LRP1B: variants seen among roughly 807,000 people sequenced by gnomAD.
LRP1B encodes LDL receptor related protein 1B, also known as low-density lipoprotein receptor-related protein 1B.
A neutral mutation model predicts 556.6 loss-of-function variants in LRP1B; 217 were observed. The ratio of observed to expected loss-of-function variants is 0.39; its 90% CI spans 0.35 to 0.44. The LOEUF (loss-of-function observed/expected upper bound fraction) is 0.44. LRP1B is among the 20% of genes least tolerant of loss of function. The pLI is 1.00. For missense variants in LRP1B, 5,053 were observed against 5,620.8 expected, an observed-to-expected ratio of 0.90 and a Z score of 3.23; for synonymous variants, 2,047 against 1,865.8, an observed-to-expected ratio of 1.10 and a Z score of -2.50.
chr2:141,392,338 G>A (rs1326530324), intron 3 of LRP1B, among the ~76,000 whole-genome samples: 1 of 151,556 alleles, frequency 6.6e-6, no homozygotes, highest in South Asian at 2.1e-4. Context: ...TATTTTGAAT[G>A]AATTTTAGGC....
chr2:140,831,192 CA>C (rs1293584469), intron 31 of LRP1B, among the ~76,000 whole-genome samples: 1 of 151,842 alleles, frequency 6.6e-6, no homozygotes, highest in Non-Finnish European at 1.5e-5. Flanking sequence ...TACAGAGCCA[CA>C]AAAGACCCCA....
intron 3 of LRP1B, among the ~76,000 whole-genome samples, chr2:141,366,141 T>C (rs1464417183): frequency 6.6e-6 from 1 of 152,224 alleles, no homozygotes; most frequent in Admixed American, 6.5e-5. Context: ...TCTACAGATA[T>C]ATCTCAAAAT....
chr2:141,082,706 G>A (rs150549357), intron 7 of LRP1B, among the ~76,000 whole-genome samples: 1 of 152,178 alleles, frequency 6.6e-6, no homozygotes, highest in African/African-American at 2.4e-5. Context: ...GTAGAATATA[G>A]GGTATTACTG....
chr2:141,772,411 A>G (rs1694928742), intron 2 of LRP1B, among the ~76,000 whole-genome samples: 1 of 152,124 alleles, frequency 6.6e-6, no homozygotes, highest in Non-Finnish European at 1.5e-5. Context: ...AGAATAAAAT[A>G]TTTGATAAAA....
intron 6 of LRP1B, among the ~76,000 whole-genome samples, chr2:141,208,574 G>A (rs1338046058): frequency 6.6e-6 from 1 of 151,944 alleles, no homozygotes; most frequent in Non-Finnish European, 1.5e-5. Context: ...ATATTAAAAA[G>A]GGATGGGAGT....
chr2:140,303,024 T>G, intron 83 of LRP1B, among the ~76,000 whole-genome samples: 1 of 110,602 alleles, frequency 9.0e-6, no homozygotes, highest in East Asian at 3.0e-4. Flanking sequence ...TATATATATA[T>G]ATATATATAT....
intron 86 of LRP1B, among the ~76,000 whole-genome samples, chr2:140,251,907 C>CT (rs1016369876): frequency 4.0e-5 from 6 of 151,006 alleles, no homozygotes; most frequent in African/African-American, 1.5e-4. Flanking sequence ...TTGCAAAATA[C>CT]TTTTTTTCTG....
At chr2:141,885,511 C>T (rs1193235747) in intron 1 of LRP1B, among the ~76,000 whole-genome samples, 7 of 152,052 alleles carry the variant, frequency 4.6e-5, no homozygotes, top group African/African-American at 1.7e-4. Context: ...ACAAAAAACG[C>T]TGTGGAATGA....
intron 53 of LRP1B, among the ~76,000 whole-genome samples, chr2:140,503,609 CA>C (rs1184869998): frequency 6.6e-6 from 1 of 151,960 alleles, no homozygotes; most frequent in Non-Finnish European, 1.5e-5. Flanking sequence ...GCAATAAGCA[CA>C]AAAACTATTA....
chr2:140,949,668 C>T (rs1053058985), intron 20 of LRP1B, among the ~76,000 whole-genome samples: 2 of 151,626 alleles, frequency 1.3e-5, no homozygotes, highest in Non-Finnish European at 2.9e-5. Flanking sequence ...ATGCCGGGCG[C>T]GGTGGCTCAC....
At chr2:141,416,303 T>C (rs1691097457) in intron 3 of LRP1B, among the ~76,000 whole-genome samples, 1 of 152,114 alleles carries the variant, frequency 6.6e-6, no homozygotes, top group Non-Finnish European at 1.5e-5. Flanking sequence ...CTTGGCTAAT[T>C]ACTTAATAAT....
intron 1 of LRP1B, among the ~76,000 whole-genome samples, chr2:141,900,143 A>G (rs1468339184): frequency 1.3e-5 from 2 of 152,130 alleles, no homozygotes; most frequent in Non-Finnish European, 2.9e-5. Flanking sequence ...AGAATTATAT[A>G]CATTGTTAAA....
intron 6 of LRP1B, among the ~76,000 whole-genome samples, chr2:141,209,428 C>T (rs182027680): frequency 2.0e-5 from 3 of 152,234 alleles, no homozygotes; most frequent in Admixed American, 2.0e-4. Flanking sequence ...CCAGCTATGC[C>T]GAGCTGTGAG....
At chr2:141,444,767 G>A (rs1218922054) in intron 3 of LRP1B, among the ~76,000 whole-genome samples, 1 of 152,166 alleles carries the variant, frequency 6.6e-6, no homozygotes, top group Non-Finnish European at 1.5e-5. Flanking sequence ...TTGCATCCCA[G>A]AAATGAAGCT....
intron 2 of LRP1B, among the ~76,000 whole-genome samples, chr2:141,644,013 T>C (rs1443812409): frequency 3.3e-5 from 1 of 30,572 alleles, no homozygotes; most frequent in South Asian, 7.7e-4. Flanking sequence ...GTGGAGAGTG[T>C]GTGTGTGTGT....
chr2:141,830,105 T>A (rs770953142), intron 1 of LRP1B, among the ~76,000 whole-genome samples: 1 of 151,980 alleles, frequency 6.6e-6, no homozygotes, highest in African/African-American at 2.4e-5. Context: ...TACTTATATC[T>A]CATTCATTAA....
At chr2:140,915,961 G>C (rs905659776) in intron 21 of LRP1B, among the ~76,000 whole-genome samples, 1 of 151,938 alleles carries the variant, frequency 6.6e-6, no homozygotes, top group Admixed American at 6.6e-5. Flanking sequence ...CCAGGAGACA[G>C]AGTTTGCAGT....
intron 1 of LRP1B, among the ~76,000 whole-genome samples, chr2:141,811,178 T>C (rs1696341687): frequency 6.6e-6 from 1 of 152,122 alleles, no homozygotes; most frequent in African/African-American, 2.4e-5. Context: ...CTTTACAAAC[T>C]AATTATTCTT....
Position 141,808,363 on chromosome 2 carries a change from A to G in LRP1B, c.205+1916T>C, listed in dbSNP as rs560221536. The stretch of plus-strand genomic sequence containing the variant: ...ACCTGACTCTTACTCTGATTATGCT[A>G]TGGAAGTCTTTCCTTGTAGCTAAAG... On this transcript the variant is annotated intron_variant, in intron 2 of 90. Coordinates refer to ENST00000389484, the MANE Select transcript of LRP1B (RefSeq NM_018557.3). 1.9e-3 allele frequency among the ~76,000 whole-genome samples: 288 copies of G among 152,200 alleles called. 1 individual carries two copies. Among genetic ancestry groups the G allele is most frequent in the African/African-American group, 6.9e-3 (285 of 41,556 alleles).
Sources: gnomAD v4.1 joint callset for allele counts (sites outside exome capture counted in the v4.1 genomes callset) on GRCh38, gnomAD v4.1.1 for gene constraint, MANE v1.5 for transcripts, NCBI Gene and HGNC (gene_info 2026-07-23, HGNC 2026-07-21) for gene names.